The following AKAP7 variants were observed in gnomAD, a reference collection of about 807,000 sequenced individuals.
AKAP7 encodes A kinase (PRKA) anchor protein 7.
Under a neutral mutation model 39.5 loss-of-function variants are expected in AKAP7, and 39 were observed. The ratio of observed to expected loss-of-function variants is 0.99; its 90% CI spans 0.76 to 1.29. The LOEUF is 1.29. Ranked by LOEUF, AKAP7 falls within the 50% of genes most tolerant of loss-of-function variation. The pLI is 0.00. For synonymous variants in AKAP7, 140 were observed against 139.1 expected (o/e 1.01, Z -0.05); for missense variants, 414 against 407.7 (o/e 1.02, Z -0.13).
At chr6:131,126,555 ATAAC>A in the AKAP7 span, among the ~76,000 whole-genome samples, 1 of 152,238 alleles carries the variant, frequency 6.6e-6, no homozygotes, top group African/African-American at 2.4e-5. Context: ...AGTTCATTAA[ATAAC>A]TAACTCAATA....
At chr6:131,139,601 C>T (rs919599472) in intron 1 of AKAP7, among the ~76,000 whole-genome samples, 5 of 151,514 alleles carry the variant, frequency 3.3e-5, no homozygotes, top group Admixed American at 1.3e-4. Context: ...AGCTGTATTG[C>T]ATTGTAGCTA....
intron 1 of AKAP7, among the ~76,000 whole-genome samples, chr6:131,140,206 T>C (rs1372216140): frequency 6.6e-6 from 1 of 152,200 alleles, no homozygotes; most frequent in African/African-American, 2.4e-5. Flanking sequence ...TACCAGAGGT[T>C]GGCCTAATCT....
chr6:131,261,221 A>C (rs1813299815), intron 7 of AKAP7, among the ~76,000 whole-genome samples: 1 of 152,046 alleles, frequency 6.6e-6, no homozygotes. Context: ...AAAAAAAAAA[A>C]AAAAGAATAT....
At chr6:131,176,179 A>G (rs1404170072) in intron 5 of AKAP7, among the ~76,000 whole-genome samples, 4 of 152,118 alleles carry the variant, frequency 2.6e-5, no homozygotes, top group Admixed American at 6.5e-5. Context: ...TTTGCATCAC[A>G]TGTACATGTG....
At chr6:131,172,770 A>C (rs954074226) in intron 5 of AKAP7, among the ~76,000 whole-genome samples, 2 of 152,210 alleles carry the variant, frequency 1.3e-5, no homozygotes, top group Non-Finnish European at 2.9e-5. Flanking sequence ...ATATTACAGA[A>C]TTGCTTTTAC....
Position 131,161,644 on chromosome 6 carries a change from C to CAAAAAAA in AKAP7, c.291+1480_291+1486dup. Among the ~76,000 whole-genome samples, 235 of 33,624 alleles carry CAAAAAAA rather than the reference C, an allele frequency of 7.0e-3. 38 individuals are homozygous for CAAAAAAA. Among genetic ancestry groups the CAAAAAAA allele is most frequent in the African/African-American group, 9.3e-3 (87 of 9,346 alleles). 22.1% of individuals were successfully genotyped at this position (33,624 alleles called of 152,430 possible). A position where few individuals can be genotyped will look rare whatever the true frequency, so the allele number is the denominator to read the frequency against. On this transcript the variant is annotated intron_variant, in intron 3 of 7. Transcript: ENST00000431975. ...TGGGTGACAGAGCCAGACTGTATCT[C>CAAAAAAA]AAAAAAAAAAAAAAAAAAAAAAAAA...
chr6:131,173,931 T>C (rs911477305), intron 5 of AKAP7, among the ~76,000 whole-genome samples: 2 of 152,214 alleles, frequency 1.3e-5, no homozygotes, highest in Non-Finnish European at 2.9e-5. Context: ...TTTTCCAATA[T>C]TGATGAAAGA....
chr6:131,235,370 C>T (rs751207257), intron 7 of AKAP7, among the ~76,000 whole-genome samples: 5 of 152,128 alleles, frequency 3.3e-5, no homozygotes, highest in Non-Finnish European at 5.9e-5. Context: ...ATAAACATAA[C>T]GTGTGCATGT....
chr6:131,168,961 ATAAAGTT>A, intron 4 of AKAP7, 145 bp from the exon 5 acceptor site: 1 of 668,810 alleles, frequency 1.5e-6, no homozygotes, highest in Non-Finnish European at 2.4e-6. Flanking sequence ...AGTTTTAATC[ATAAAGTT>A]TAGATTTAGA....
At chr6:131,159,220 A>AG (rs1802707504) in intron 2 of AKAP7, among the ~76,000 whole-genome samples, 1 of 152,068 alleles carries the variant, frequency 6.6e-6, no homozygotes, top group Non-Finnish European at 1.5e-5. Context: ...CAGCCTCCTG[A>AG]GGAGCTGGGA....
At chr6:131,180,953 A>G (rs1453489534) in intron 5 of AKAP7, among the ~76,000 whole-genome samples, 1 of 148,924 alleles carries the variant, frequency 6.7e-6, no homozygotes, top group African/African-American at 2.5e-5. Flanking sequence ...CTGTTTAACT[A>G]TGTTTCTCTT....
At chr6:131,144,244 G>A (rs996065888) in intron 1 of AKAP7, among the ~76,000 whole-genome samples, 2 of 151,186 alleles carry the variant, frequency 1.3e-5, no homozygotes, top group East Asian at 3.9e-4. Flanking sequence ...AACCGCCATT[G>A]TCATCATGGC....
At chr6:131,188,580 C>G (rs975526733) in intron 5 of AKAP7, among the ~76,000 whole-genome samples, 16 of 152,178 alleles carry the variant, frequency 1.1e-4, no homozygotes, top group African/African-American at 3.9e-4. Context: ...CTCTGTCACC[C>G]AGGCTAGAGT....
intron 5 of AKAP7, among the ~76,000 whole-genome samples, chr6:131,171,478 A>C (rs1436838123): frequency 6.6e-6 from 1 of 152,212 alleles, no homozygotes; most frequent in African/African-American, 2.4e-5. Flanking sequence ...CAAGTAGTTT[A>C]GTGTTACTGA....
intron 5 of AKAP7, among the ~76,000 whole-genome samples, chr6:131,188,764 G>A (rs1055660982): frequency 6.6e-6 from 1 of 150,900 alleles, no homozygotes; most frequent in African/African-American, 2.4e-5. Context: ...TGTTGCCCAG[G>A]CTGGTCTCAA....
At chr6:131,269,019 G>A (rs534435653) in intron 7 of AKAP7, among the ~76,000 whole-genome samples, 6 of 152,218 alleles carry the variant, frequency 3.9e-5, no homozygotes, top group Admixed American at 1.3e-4. Flanking sequence ...ACATACTTCT[G>A]TTGACACTCC....
chr6:131,247,884 C>T (rs1000177467), intron 7 of AKAP7, among the ~76,000 whole-genome samples: 1 of 152,122 alleles, frequency 6.6e-6, no homozygotes, highest in Non-Finnish European at 1.5e-5. Context: ...CTCACCTTGG[C>T]CCCCCAAAGT....
At chr6:131,132,769 T>C (rs1800355123), upstream of AKAP7, among the ~76,000 whole-genome samples, 2 of 152,234 alleles carry the variant, frequency 1.3e-5, no homozygotes, top group Non-Finnish European at 2.9e-5. Context: ...AGGTGAAATA[T>C]TTATGGCAAG....
intron 7 of AKAP7, among the ~76,000 whole-genome samples, chr6:131,252,155 G>A (rs1022194191): frequency 6.6e-6 from 1 of 152,222 alleles, no homozygotes; most frequent in Admixed American, 6.5e-5. Flanking sequence ...ATCAGGGACT[G>A]TTGAAGAACA....
Sources: allele counts gnomAD v4.1 joint callset (sites outside exome capture counted in the v4.1 genomes callset), GRCh38; gene constraint gnomAD v4.1.1; transcripts MANE v1.5; gene names NCBI Gene and HGNC (gene_info 2026-07-23, HGNC 2026-07-21).